Variants in TNS1 observed in about 807,000 individuals in gnomAD.
TNS1 encodes the protein tensin-1.
TNS1 carries 62 observed loss-of-function variants against 168.6 expected under a neutral mutation model. The ratio of observed to expected loss-of-function variants is 0.37; its 90% CI spans 0.30 to 0.45. The LOEUF (loss-of-function observed/expected upper bound fraction) is 0.45. TNS1 is among the 20% of genes least tolerant of loss of function. The pLI, the probability that TNS1 is intolerant of heterozygous loss-of-function variation, is 1.00. For synonymous variants in TNS1, 934 were observed against 933.2 expected (o/e 1.00, Z -0.02); for missense variants, 2,240 against 2,339.4 (o/e 0.96, Z 0.88).
At chr2:217,809,260 G>C (rs1377481583) in intron 30 of TNS1, among the ~76,000 whole-genome samples, 43 of 83,860 alleles carry the variant, frequency 5.1e-4, no homozygotes, top group African/African-American at 1.5e-3. Context: ...TGCATGGATG[G>C]ATGGATGGAT....
intron 22 of TNS1, among the ~76,000 whole-genome samples, chr2:217,826,079 C>T (rs1213025691): frequency 6.6e-6 from 1 of 152,214 alleles, no homozygotes; most frequent in Non-Finnish European, 1.5e-5. Context: ...CTCCTTTCTC[C>T]TTCCCAGTGC....
At chr2:217,932,813 T>C (rs566785861) in intron 3 of TNS1, among the ~76,000 whole-genome samples, 1 of 152,330 alleles carries the variant, frequency 6.6e-6, no homozygotes, top group African/African-American at 2.4e-5. Context: ...TGCATAAGCT[T>C]CAGTTATCTG....
rs1196680349 is a variant in TNS1 at position 217,818,610 on chromosome 2, AGAG to A, written c.3719_3721del (p.Pro1240del). 6.2e-7 allele frequency: 1 copy of A among 1,614,128 alleles called. No homozygotes were observed. The highest frequency in any genetic ancestry group is 1.7e-5 in the Admixed American group (1 of 60,026). On this transcript the variant is annotated inframe_deletion, in exon 24 of 33. Coordinates refer to ENST00000682258, the MANE Select transcript of TNS1 (RefSeq NM_001387777.1). ...GCTGTAGCTACTGCCCACAGTCGGGAGAGGAGAAGAGCTCTGGTAGTTTCTCTG... is the reference window on the plus strand; with the variant it reads ...GCTGTAGCTACTGCCCACAGTCGGGAGAGAAGAGCTCTGGTAGTTTCTCTG...
chr2:217,877,658 T>C (rs979457770), intron 18 of TNS1, among the ~76,000 whole-genome samples: 3 of 152,168 alleles, frequency 2.0e-5, no homozygotes, highest in African/African-American at 7.2e-5. Flanking sequence ...GCTGTAAACT[T>C]GAACTTGGAG....
chr2:217,964,786 G>T (rs370584260), intron 3 of TNS1, among the ~76,000 whole-genome samples: 6 of 152,286 alleles, frequency 3.9e-5, no homozygotes, highest in Admixed American at 3.9e-4. Flanking sequence ...CCTCGCTTGG[G>T]TGCGCCGGGC....
At position 218,009,050 on chromosome 2, in the gene TNS1, A is replaced by G. The variant is rs1958683539; in HGVS notation, c.96+1050T>C. On this transcript the variant is annotated intron_variant, in intron 1 of 32. Coordinates refer to the TNS1 transcript ENST00000646520. ...CAAGATACAGGCAGATCCTGTAACT[A>G]GCCTAAGGTCTACAGCTGGTAAAGC... Among the ~76,000 whole-genome samples, 4 of 152,250 alleles carry G rather than the reference A, an allele frequency of 2.6e-5. No individual in the cohort carries two copies. The South Asian group carries it at 6.2e-4, about 24-fold the overall frequency.
chr2:217,855,726 A>G (rs1238104574), intron 18 of TNS1, among the ~76,000 whole-genome samples: 4 of 152,192 alleles, frequency 2.6e-5, no homozygotes, highest in Non-Finnish European at 5.9e-5. Context: ...TTCTTGCCTT[A>G]CACCGAGTAG....
intron 3 of TNS1, among the ~76,000 whole-genome samples, chr2:217,939,021 G>A (rs578260006): frequency 5.3e-5 from 8 of 152,076 alleles, no homozygotes; most frequent in Non-Finnish European, 1.2e-4. Flanking sequence ...ACAAGAGAGA[G>A]AGAACTCCAT....
rs1164548032 is a variant in TNS1 at position 218,032,318 on chromosome 2, G to C, written c.156+1502C>G. The stretch of plus-strand genomic sequence containing the variant: ...GCAATGGGGCCTGGGGGACAAGGCA[G>C]TCCAGGAGAAGGAGGAGGACAGCCT... On this transcript the variant is annotated intron_variant, in intron 1 of 1. Transcript: ENST00000649572. The surrounding 1 kb of genome is among the most constrained non-coding windows in gnomAD (Gnocchi z 4.0). Among the ~76,000 whole-genome samples, 1 of 152,220 alleles carries C rather than the reference G, an allele frequency of 6.6e-6. No individual in the cohort carries two copies. The highest frequency in any genetic ancestry group is 1.5e-5 in the Non-Finnish European group (1 of 68,032).
chr2:217,803,534 C>T lies in TNS1; in HGVS notation c.*925G>A, dbSNP rs537372207. On this transcript the variant is annotated 3_prime_UTR_variant, in exon 33 of 33. Transcript: ENST00000682258. ...TGACAGATCTCTTCCTATGGATACA[C>T]ATATCTCTACCTCCTCAAACCAAAG... 1 of 152,796 alleles carries T rather than the reference C, an allele frequency of 6.5e-6. No homozygotes were observed. Among genetic ancestry groups the T allele is most frequent in the Non-Finnish European group, 1.5e-5 (1 of 68,070 alleles). The allele number at this position is 152,796 out of a possible 1,614,324, so 9.5% of individuals were successfully genotyped here.
intron 3 of TNS1, among the ~76,000 whole-genome samples, chr2:217,974,066 A>C (rs765642977): frequency 6.6e-6 from 1 of 152,256 alleles, no homozygotes; most frequent in Non-Finnish European, 1.5e-5. Context: ...ATTTCGATGA[A>C]CATTCAAGAA....
rs1403461749 is a variant in TNS1, at chr2:217,903,527, C to T, written c.321+2808G>A. 12 of 1,496,372 alleles carry T rather than the reference C, an allele frequency of 8.0e-6. No individual in the cohort carries two copies. The African/African-American group carries it at 1.7e-4, about 21-fold the overall frequency. The allele number at this position is 1,496,372 out of a possible 1,614,324, so 92.7% of individuals were successfully genotyped here. ...ATGGCTTTGAACTTCTTCCTGGCTC[C>T]TCTCAAGACACAGGTTGATTACAGA... is the stretch of plus-strand genomic sequence containing the variant. On this transcript the variant is annotated intron_variant, in intron 6 of 32. Coordinates refer to ENST00000682258, the MANE Select transcript of TNS1 (RefSeq NM_001387777.1).
intron 9 of TNS1, 53 bp from the exon 10 acceptor site, chr2:217,893,614 A>C (rs1303040692): frequency 6.5e-7 from 1 of 1,547,844 alleles, no homozygotes; most frequent in African/African-American, 1.4e-5. Context: ...AGAGCCAAAC[A>C]AGCCAGCGGG....
chr2:217,949,319 AAGC>A (rs1177364484), intron 3 of TNS1, among the ~76,000 whole-genome samples: 2 of 152,194 alleles, frequency 1.3e-5, no homozygotes, highest in Non-Finnish European at 2.9e-5. Context: ...CATAATTTTA[AAGC>A]AGGAAGGACC....
chr2:217,848,017 T>G lies in TNS1; in HGVS notation c.2500A>C (p.Ile834Leu), dbSNP rs771961473. The G allele has an allele frequency of 1.3e-5, 19 of 1,518,608 alleles. No homozygotes were observed. In the South Asian group the frequency reaches 2.4e-4, roughly 19 times the overall value. The allele number at this position is 1,518,608 out of a possible 1,614,324, so 94.1% of individuals were successfully genotyped here. A position where few individuals can be genotyped will look rare whatever the true frequency, so the allele number is the denominator to read the frequency against. The change falls in exon 19 of 33, where the codon ATC becomes CTC. Residue 834 changes from isoleucine (I) to leucine (L), a missense_variant. Around this residue, in one of 2 missense-constraint regions of TNS1, gnomAD observed 2,131 missense variants for 2,171.2 expected, o/e 0.98. Transcript: ENST00000682258. ...AASQQEIEQS[I>L]ETLNMLMLDL... The stretch of plus-strand genomic sequence containing the variant: ...AGCATCAGCATATTGAGTGTTTCGA[T>G]GGACTGTTCAATCTCCTGCTGGGAG...
chr2:217,845,878 C>A (rs1030886446), intron 19 of TNS1, among the ~76,000 whole-genome samples: 3 of 152,168 alleles, frequency 2.0e-5, no homozygotes, highest in African/African-American at 7.2e-5. Context: ...AGAGAGAAGG[C>A]TCCTGGATCC....
intron 19 of TNS1, among the ~76,000 whole-genome samples, chr2:217,846,092 T>C (rs1396258373): frequency 6.6e-6 from 1 of 152,012 alleles, no homozygotes; most frequent in Non-Finnish European, 1.5e-5. Flanking sequence ...AAGGCAGAAG[T>C]CAAAGCCCAT....
At chr2:217,822,785 T>G (rs1165522033) in intron 22 of TNS1, among the ~76,000 whole-genome samples, 1 of 152,152 alleles carries the variant, frequency 6.6e-6, no homozygotes, top group Admixed American at 6.5e-5. Context: ...ATGGCCCGAC[T>G]CCCAGACCGG....
Position 217,804,528 on chromosome 2 carries a change from G to A in TNS1, c.5451C>T (p.Pro1817=), listed in dbSNP as rs1037971759. The A allele has an allele frequency of 1.2e-6, 2 of 1,614,158 alleles. No homozygotes were observed. The highest frequency in any genetic ancestry group is 2.2e-5 in the South Asian group (2 of 91,082). The change falls in exon 33 of 33, where the codon CCC becomes CCT. Residue 1817 remains proline (P), a synonymous_variant. Coordinates refer to ENST00000682258, the MANE Select transcript of TNS1 (RefSeq NM_001387777.1). The stretch of plus-strand genomic sequence containing the variant: ...TGACGATGGCAGAGGCCGGCTGGTT[G>A]GGGTCAAGCTCAGCAAAGAGGTGGC... The part of the protein sequence containing the change: ...NACHLFAELD[P]NQPASAIVNF...
Sources: allele counts gnomAD v4.1 joint callset (sites outside exome capture counted in the v4.1 genomes callset), GRCh38; gene constraint gnomAD v4.1.1; regional missense constraint gnomAD v4.1.1; non-coding constraint Gnocchi (gnomAD v3.1); transcripts MANE v1.5; gene names NCBI Gene and HGNC (gene_info 2026-07-23, HGNC 2026-07-21).